Variants in RLF observed in about 807,000 individuals in gnomAD.
The protein encoded by RLF is zinc finger protein Rlf.
In RLF, 7 loss-of-function variants were observed where a neutral mutation model predicts 162.9. The observed-to-expected ratio is 0.04, with a 90% confidence interval of 0.02 to 0.08. RLF has a LOEUF of 0.08. Ranked by LOEUF, RLF falls within the 10% of genes least tolerant of loss-of-function variation. The pLI is 1.00. For synonymous variants in RLF, 782 were observed against 791.5 expected (o/e 0.99, Z 0.20); for missense variants, 1,664 against 2,244.7 (o/e 0.74, Z 5.23).
At chr1:40,191,263 T>C (rs1416728252) in intron 3 of RLF, among the ~76,000 whole-genome samples, 5 of 152,128 alleles carry the variant, frequency 3.3e-5, no homozygotes, top group Admixed American at 6.5e-5. Flanking sequence ...CCTGGCTGGG[T>C]GTAGTAGCTC....
chr1:40,237,993 G>A lies in RLF; in HGVS notation c.3291G>A (p.Gln1097=), dbSNP rs759431057. 2 of 1,613,994 alleles carry A rather than the reference G, an allele frequency of 1.2e-6. No homozygotes were observed. ...GYPSSGAKSL[Q]SVSSISDLNF... is the part of the protein sequence containing the mutation. Reference sequence around the variant, plus strand: ...CATCCAGTGGTGCTAAGTCTCTTCAGTCAGTTTCATCTATCTCAGACCTTA... The same window carrying A: ...CATCCAGTGGTGCTAAGTCTCTTCAATCAGTTTCATCTATCTCAGACCTTA... Residue 1097 remains glutamine, a synonymous_variant, in exon 8 of 8, where the codon CAG becomes CAA. Transcript: ENST00000372771. This position sits in a 1 kb window ranked among gnomAD's most constrained non-coding sequence, Gnocchi z 4.4.
In RLF at chr1:40,202,501, G is replaced by A. The variant is rs1310405362; in HGVS notation, c.697G>A (p.Ala233Thr). ...LKSNCIPQATALSKLCAESKE... is the reference protein window; with the variant it reads ...LKSNCIPQATTLSKLCAESKE... ...ATCTAACTGCATCCCCCAGGCTACT[G>A]CTTTATCAAAACTATGTGCAGAATC... Residue 233 changes from alanine (A) to threonine (T), a missense_variant, in exon 5 of 8, where the codon GCT becomes ACT. Ala to Thr is a moderately conservative substitution (Grantham distance 58, BLOSUM62 0). This residue lies in a region of RLF where 287 missense variants were observed against 404.9 expected (regional missense o/e 0.71). Transcript: ENST00000372771. 1.3e-6 allele frequency: 2 copies of A among 1,580,334 alleles called. No individual in the cohort carries two copies. The highest frequency in any genetic ancestry group is 4.6e-5 in the East Asian group (2 of 43,428).
intron 5 of RLF, among the ~76,000 whole-genome samples, chr1:40,218,994 G>A (rs1294200521): frequency 7.3e-6 from 1 of 137,482 alleles, no homozygotes. Context: ...AGTATCTTAA[G>A]TATAAGATGT....
At chr1:40,166,279 C>G (rs1485592346) in intron 1 of RLF, among the ~76,000 whole-genome samples, 3 of 151,128 alleles carry the variant, frequency 2.0e-5, no homozygotes, top group African/African-American at 7.3e-5. Flanking sequence ...ACACTTAAAA[C>G]AGTACTTTAG....
chr1:40,221,770 G>A (rs1360556268), intron 5 of RLF, among the ~76,000 whole-genome samples: 1 of 151,764 alleles, frequency 6.6e-6, no homozygotes, highest in Admixed American at 6.6e-5. Context: ...CACGGTGGTG[G>A]GCGCCTGTAG....
intron 1 of RLF, among the ~76,000 whole-genome samples, chr1:40,179,955 C>T (rs962229416): frequency 6.6e-6 from 1 of 152,160 alleles, no homozygotes; most frequent in Non-Finnish European, 1.5e-5. Context: ...AATAATACTC[C>T]ATTTTATGGA....
chr1:40,236,849 G>A lies in RLF; in HGVS notation c.2147G>A (p.Cys716Tyr). The A allele has an allele frequency of 6.2e-7, 1 of 1,614,082 alleles. No individual in the cohort carries two copies. ...GATATGAAAAATAGAAGAGAGAAGT[G>A]TACTTACTGTCGACGACATTTTATG... is the stretch of plus-strand genomic sequence containing the variant. Reference protein sequence around the residue: ...YLDMKNRREKCTYCRRHFMSA... With the variant: ...YLDMKNRREKYTYCRRHFMSA... The change falls in exon 8 of 8, where the codon TGT becomes TAT. Residue 716 changes from cysteine to tyrosine, a missense_variant. Coordinates refer to ENST00000372771, the MANE Select transcript of RLF (RefSeq NM_012421.4). This position sits in a 1 kb window ranked among gnomAD's most constrained non-coding sequence, Gnocchi z 7.7.
In RLF at chr1:40,236,951, A is replaced by G; in HGVS notation, c.2249A>G (p.Tyr750Cys). The change falls in exon 8 of 8, where the codon TAT (tyrosine) becomes TGT (cysteine). Residue 750 changes from tyrosine (Y) to cysteine (C), a missense_variant. Tyr to Cys is a radical substitution (Grantham distance 194). This residue lies in a region of RLF where 69 missense variants were observed against 206.4 expected (regional missense o/e 0.33). Transcript: ENST00000372771. The surrounding 1 kb of genome is among the most constrained non-coding windows in gnomAD (Gnocchi z 7.7). ...QPYMCVSIDC[Y>C]ARFGSVNELL... ...TATATGTGTGTATCTATAGATTGCTATGCTAGGTTTGGATCAGTAAATGAA... is the reference window on the plus strand; with the variant it reads ...TATATGTGTGTATCTATAGATTGCTGTGCTAGGTTTGGATCAGTAAATGAA... 1 of 1,614,206 alleles carries G rather than the reference A, an allele frequency of 6.2e-7. No individual in the cohort carries two copies. Among genetic ancestry groups the G allele is most frequent in the East Asian group, 2.2e-5 (1 of 44,892 alleles).
chr1:40,236,893 G>C lies in RLF; in HGVS notation c.2191G>C (p.Glu731Gln). 5.6e-6 allele frequency: 9 copies of C among 1,614,158 alleles called. No individual in the cohort carries two copies. The highest frequency in any genetic ancestry group is 7.6e-6 in the Non-Finnish European group (9 of 1,180,026). The change falls in exon 8 of 8, where the codon GAG becomes CAG. Residue 731 changes from glutamate (E) to glutamine (Q), a missense_variant. Glu to Gln is a conservative substitution (Grantham distance 29). This residue lies in a region of RLF where 69 missense variants were observed against 206.4 expected (regional missense o/e 0.33). Coordinates refer to ENST00000372771, the MANE Select transcript of RLF (RefSeq NM_012421.4). The surrounding 1 kb of genome is among the most constrained non-coding windows in gnomAD (Gnocchi z 7.7). ...RHFMSAFHLR[E>Q]HEQVHCGPQP... ...TTTTATGTCTGCTTTTCACCTTCGA[G>C]AGCACGAACAAGTGCATTGTGGGCC...
At chr1:40,228,017 A>AT (rs1427925784) in intron 6 of RLF, among the ~76,000 whole-genome samples, 2 of 151,690 alleles carry the variant, frequency 1.3e-5, no homozygotes, top group African/African-American at 4.8e-5. Flanking sequence ...GAAAAAATTT[A>AT]TTTGAGCCTG....
In RLF at chr1:40,240,457, T is replaced by C. The variant is rs1643279052; in HGVS notation, c.*10T>C. On this transcript the variant is annotated 3_prime_UTR_variant, in exon 8 of 8. Coordinates refer to ENST00000372771, the MANE Select transcript of RLF (RefSeq NM_012421.4). ...TGTAGGAAGTTCATAAGTAGCAATT[T>C]TGTTTTAGTAACAGACTGGCTCCAA... 6.3e-7 allele frequency: 1 copy of C among 1,595,884 alleles called. No homozygotes were observed. The highest frequency in any genetic ancestry group is 1.7e-5 in the Admixed American group (1 of 58,604).
chr1:40,175,224 T>C lies in RLF; in HGVS notation c.237+13588T>C, dbSNP rs951996882. Among the ~76,000 whole-genome samples the C allele has an allele frequency of 3.3e-5, 5 of 151,378 alleles. No individual in the cohort carries two copies. In the South Asian group the frequency reaches 6.3e-4, roughly 19 times the overall value. On this transcript the variant is annotated intron_variant, in intron 1 of 7. Coordinates refer to ENST00000372771, the MANE Select transcript of RLF (RefSeq NM_012421.4). ...TGGGGGTGGGGGGGGGAGTTAAATCTAGACCAGACGTTCCCATAAAGTTCT... is the reference window on the plus strand; with the variant it reads ...TGGGGGTGGGGGGGGGAGTTAAATCCAGACCAGACGTTCCCATAAAGTTCT...
At chr1:40,206,969 C>T (rs1403670528) in intron 5 of RLF, among the ~76,000 whole-genome samples, 1 of 152,200 alleles carries the variant, frequency 6.6e-6, no homozygotes, top group African/African-American at 2.4e-5. Context: ...CCCTAAATAT[C>T]TGCTGTCATT....
intron 5 of RLF, among the ~76,000 whole-genome samples, chr1:40,211,840 C>T (rs535462502): frequency 6.6e-6 from 1 of 152,268 alleles, no homozygotes; most frequent in East Asian, 1.9e-4. Context: ...TGGTGACCAG[C>T]TGGTCTCAAA....
chr1:40,214,818 G>A (rs1254998926), intron 5 of RLF, among the ~76,000 whole-genome samples: 1 of 146,664 alleles, frequency 6.8e-6, no homozygotes, highest in Non-Finnish European at 1.5e-5. Flanking sequence ...AGCTATTCAT[G>A]AGACTGAGGT....
chr1:40,207,017 A>G lies in RLF; in HGVS notation c.810+4403A>G, dbSNP rs529714879. On this transcript the variant is annotated intron_variant, in intron 5 of 7. Transcript: ENST00000372771. ...TACTAACCCATTTAAAATGACCCCT[A>G]TCACTTTGTCTTTCTGCCTATTTGT... Among the ~76,000 whole-genome samples, 63 of 152,272 alleles carry G rather than the reference A, an allele frequency of 4.1e-4. No homozygotes were observed. In the South Asian group the frequency reaches 0.013, roughly 31 times the overall value.
chr1:40,229,448 C>CTTTTTTTTTTTTTTTTTTTATTT, intron 6 of RLF, among the ~76,000 whole-genome samples: 1 of 90,980 alleles, frequency 1.1e-5, no homozygotes, highest in Non-Finnish European at 2.1e-5. Flanking sequence ...ATTCATTTAT[C>CTTTTTTTTTTTTTTTTTTTATTT]TTTTTTTTTT....
intron 6 of RLF, among the ~76,000 whole-genome samples, chr1:40,228,295 A>G (rs1047963970): frequency 1.3e-5 from 2 of 150,832 alleles, no homozygotes; most frequent in African/African-American, 4.9e-5. Flanking sequence ...CAAAAAAAAA[A>G]AAGCCAGGCG....
At chr1:40,166,999 A>G (rs1378608803) in intron 1 of RLF, among the ~76,000 whole-genome samples, 1 of 152,196 alleles carries the variant, frequency 6.6e-6, no homozygotes, top group Non-Finnish European at 1.5e-5. Context: ...AACTTAAAGT[A>G]TAATTTTAAA....
Sources: gnomAD v4.1 joint callset for allele counts (sites outside exome capture counted in the v4.1 genomes callset) on GRCh38, gnomAD v4.1.1 for gene constraint, gnomAD v4.1.1 regional missense constraint, Gnocchi (gnomAD v3.1) non-coding constraint, MANE v1.5 for transcripts, NCBI Gene and HGNC (gene_info 2026-07-23, HGNC 2026-07-21) for gene names.